The following ZNF124 variants were observed in gnomAD, a reference collection of about 807,000 sequenced individuals.
The protein encoded by ZNF124 is zinc finger protein HZF-16.
ZNF124 carries 25 observed loss-of-function variants against 26.6 expected under a neutral mutation model. That is an observed-to-expected ratio of 0.94 (90% CI 0.68 to 1.31). The LOEUF is 1.31. Among genes scored for constraint, ZNF124 ranks in the 40% most tolerant of loss-of-function variants. The probability of loss-of-function intolerance (pLI) is 0.00; values close to 1 mark genes in which losing one functional copy is unlikely to be tolerated. For missense variants in ZNF124, 444 were observed against 422.2 expected (o/e 1.05, Z -0.45); for synonymous variants, 129 against 133.3 (o/e 0.97, Z 0.22).
At chr1:247,133,653 CTTTT>C (rs1163588323) in intron 3 of ZNF124, among the ~76,000 whole-genome samples, 4 of 127,186 alleles carry the variant, frequency 3.1e-5, no homozygotes, top group Admixed American at 8.1e-5. Context: ...ATTCAATATT[CTTTT>C]TTTTTTTTTT....
chr1:247,139,771 A>G (rs1672578352), intron 3 of ZNF124, among the ~76,000 whole-genome samples: 1 of 152,172 alleles, frequency 6.6e-6, no homozygotes, highest in Non-Finnish European at 1.5e-5. Context: ...TTGGCTGGGT[A>G]TGAAATTCTT....
rs752230847 is a variant in ZNF124 at position 247,156,558 on chromosome 1, T to TA, written c.*7dup. The TA allele has an allele frequency of 6.6e-7, 1 of 1,524,024 alleles. No individual in the cohort carries two copies. Among genetic ancestry groups the TA allele is most frequent in the Non-Finnish European group, 8.8e-7 (1 of 1,142,002 alleles). The allele number at this position is 1,524,024 out of a possible 1,614,324, so 94.4% of individuals were successfully genotyped here. ...TGTTTTTGACAAAAACTGTAGTGAT[T>TA]AAAGCCTTTACATTTTTTTACATTT... On this transcript the variant is annotated 3_prime_UTR_variant, in exon 4 of 4. Transcript: ENST00000543802.
rs1458189455 is a variant in ZNF124 at position 247,156,486 on chromosome 1, T to C, written c.*80A>G. ...AGGAAATCTGGGAAAATTAAGTACT[T>C]TCCTACACCTTACATTCACAGTTTC... is the stretch of plus-strand genomic sequence containing the variant. On this transcript the variant is annotated 3_prime_UTR_variant, in exon 4 of 4. Coordinates refer to ENST00000543802, the MANE Select transcript of ZNF124 (RefSeq NM_001297568.2). 2 of 1,427,460 alleles carry C rather than the reference T, an allele frequency of 1.4e-6. No individual in the cohort carries two copies. Among genetic ancestry groups the C allele is most frequent in the Non-Finnish European group, 1.8e-6 (2 of 1,089,880 alleles). The allele number at this position is 1,427,460 out of a possible 1,614,324, so 88.4% of individuals were successfully genotyped here. A position where few individuals can be genotyped will look rare whatever the true frequency, so the allele number is the denominator to read the frequency against.
At chr1:247,152,226 G>GC (rs1276430621), downstream of ZNF124, among the ~76,000 whole-genome samples, 2 of 151,350 alleles carry the variant, frequency 1.3e-5, no homozygotes, top group Non-Finnish European at 2.9e-5. Flanking sequence ...TGCCCACAGG[G>GC]CACAGGTATT....
At chr1:247,157,453 C>T in intron 3 of ZNF124, 50 bp from the exon 4 acceptor site, 2 of 1,520,090 alleles carry the variant, frequency 1.3e-6, no homozygotes, top group Non-Finnish European at 1.8e-6. Flanking sequence ...ACAATGCATT[C>T]ATGTGGTTTT....
At chr1:247,153,132 CAA>C (rs34244288), downstream of ZNF124, among the ~76,000 whole-genome samples, 14 of 116,992 alleles carry the variant, frequency 1.2e-4, no homozygotes, top group Non-Finnish European at 1.3e-4. Context: ...GACTCCATCT[CAA>C]AAAAAAAAAA....
rs1673364049 is a variant in ZNF124, at chr1:247,159,728, C to CTAT, written c.113_115dup (p.Tyr38_Arg39insAsn). On this transcript the variant is annotated inframe_insertion, in exon 2 of 4. Transcript: ENST00000543802. ...CCTGAAGGTTTCCTGCATCACGTCT[C>CTAT]TATAGAGATTCTTCTGGGAAGGATC... 2 of 1,613,810 alleles carry CTAT rather than the reference C, an allele frequency of 1.2e-6. No individual in the cohort carries two copies. Among genetic ancestry groups the CTAT allele is most frequent in the Non-Finnish European group, 1.7e-6 (2 of 1,179,930 alleles).
chr1:247,151,694 CA>C (rs35656105), downstream of ZNF124, among the ~76,000 whole-genome samples: 1 of 151,992 alleles, frequency 6.6e-6, no homozygotes, highest in Admixed American at 6.6e-5. Flanking sequence ...TCACCAATAC[CA>C]ATACATTTTC....
rs1048225529 is a variant in ZNF124, at chr1:247,124,440, A to T, written c.219-569T>A. The stretch of plus-strand genomic sequence containing the variant: ...ATGGTCTTAAACTCCTGACCTTGTG[A>T]TCTACCCGCCGCGGCTTCCCAAAGT... On this transcript the variant is annotated intron_variant, in intron 3 of 3. Coordinates refer to the ZNF124 transcript ENST00000472531. Among the ~76,000 whole-genome samples the T allele has an allele frequency of 3.1e-4, 47 of 151,082 alleles. 1 individual carries two copies. Among genetic ancestry groups the T allele is most frequent in the African/African-American group, 1.1e-3 (47 of 41,146 alleles).
intron 2 of ZNF124, 142 bp from the exon 3 acceptor site, chr1:247,159,208 T>G (rs1255606361): frequency 1.5e-6 from 1 of 686,086 alleles, no homozygotes; most frequent in East Asian, 2.8e-5. Context: ...CAACATTGTT[T>G]GTGTTATGGG....
rs752250358 is a variant in ZNF124 at position 247,158,999 on chromosome 1, A to C, written c.218+7T>G. 2 of 1,612,488 alleles carry C rather than the reference A, an allele frequency of 1.2e-6. No individual in the cohort carries two copies. The highest frequency in any genetic ancestry group is 2.7e-5 in the African/African-American group (2 of 74,894). On this transcript the variant is annotated splice_region_variant and intron_variant, in intron 3 of 3. Coordinates refer to ENST00000543802, the MANE Select transcript of ZNF124 (RefSeq NM_001297568.2). ...GGGGACTGCTTCCTCTTGTGAGGGC[A>C]AATTACCTTAGATTTCTTGAAGAAT... is the stretch of plus-strand genomic sequence containing the variant.
intron 3 of ZNF124, among the ~76,000 whole-genome samples, chr1:247,149,113 T>A (rs1472558993): frequency 6.6e-6 from 1 of 152,208 alleles, no homozygotes; most frequent in Non-Finnish European, 1.5e-5. Flanking sequence ...TACACATCCT[T>A]CAAGTCTGTT....
intron 1 of ZNF124, among the ~76,000 whole-genome samples, chr1:247,164,605 C>T (rs1373454827): frequency 6.6e-6 from 1 of 150,558 alleles, no homozygotes; most frequent in Non-Finnish European, 1.5e-5. Context: ...AAAAACAAAA[C>T]AAAACAAACA....
intron 1 of ZNF124, among the ~76,000 whole-genome samples, chr1:247,161,656 T>TG (rs1376757332): frequency 1.3e-5 from 2 of 150,630 alleles, no homozygotes; most frequent in Non-Finnish European, 3.0e-5. Flanking sequence ...GATTAAAAAA[T>TG]GGGAAAAAAA....
chr1:247,165,697 C>T (rs1192452231), intron 1 of ZNF124, among the ~76,000 whole-genome samples: 3 of 152,060 alleles, frequency 2.0e-5, no homozygotes, highest in Non-Finnish European at 2.9e-5. Context: ...CTGTAAGAAA[C>T]TTAAATAAAT....
At chr1:247,153,652 G>T (rs528786404), downstream of ZNF124, among the ~76,000 whole-genome samples, 9 of 152,292 alleles carry the variant, frequency 5.9e-5, no homozygotes, top group South Asian at 1.9e-3. Flanking sequence ...TAGACCATCT[G>T]TGTGATTAAG....
chr1:247,139,107 C>T lies in ZNF124; in HGVS notation c.219-15236G>A, dbSNP rs557506425. On this transcript the variant is annotated intron_variant, in intron 3 of 3. Coordinates refer to the ZNF124 transcript ENST00000472531. Reference sequence around the variant, plus strand: ...TATGTTAATTGATGTCTCATGTCTCCCTAAAATGTGTAAAACCAAGCTGTG... The same window carrying T: ...TATGTTAATTGATGTCTCATGTCTCTCTAAAATGTGTAAAACCAAGCTGTG... 1.5e-4 allele frequency among the ~76,000 whole-genome samples: 23 copies of T among 152,286 alleles called. No homozygotes were observed. The South Asian group carries it at 3.9e-3, about 26-fold the overall frequency.
chr1:247,172,296 T>G (rs1572109487), upstream of ZNF124, among the ~76,000 whole-genome samples: 1 of 152,076 alleles, frequency 6.6e-6, no homozygotes, highest in Admixed American at 6.5e-5. Flanking sequence ...GAATAATATA[T>G]ATGATATTTA....
At chr1:247,130,729 G>T (rs1672334102) in intron 3 of ZNF124, among the ~76,000 whole-genome samples, 1 of 152,184 alleles carries the variant, frequency 6.6e-6, no homozygotes, top group Non-Finnish European at 1.5e-5. Context: ...ATACATAAAA[G>T]CAGAGTTTGA....
Sources: allele counts gnomAD v4.1 joint callset (sites outside exome capture counted in the v4.1 genomes callset), GRCh38; gene constraint gnomAD v4.1.1; transcripts MANE v1.5; gene names NCBI Gene and HGNC (gene_info 2026-07-23, HGNC 2026-07-21).